The following C2CD3 variants were observed in gnomAD, a reference collection of about 807,000 sequenced individuals.
The protein encoded by C2CD3 is C2 domain containing 3 centriole elongation regulator, also known as C2 domain-containing protein 3.
Under a neutral mutation model 234.0 loss-of-function variants are expected in C2CD3, and 148 were observed. The observed-to-expected ratio is 0.63, with a 90% confidence interval of 0.55 to 0.72. C2CD3 has a LOEUF of 0.72. Among genes scored for constraint, C2CD3 ranks in the 30% least tolerant of loss-of-function variants. The pLI is 0.00. For synonymous variants in C2CD3, 1,000 were observed against 1,035.4 expected (o/e 0.97, Z 0.66); for missense variants, 2,577 against 2,811.5 (o/e 0.92, Z 1.89).
chr11:74,085,117 C>A (rs1435064905), intron 21 of C2CD3, 147 bp from the exon 22 acceptor site: 4 of 533,186 alleles, frequency 7.5e-6, no homozygotes, highest in Non-Finnish European at 1.3e-5. Flanking sequence ...CTTGCTCATG[C>A]CCCAATCAAA....
At chr11:74,147,203 C>A (rs1252836374) in intron 3 of C2CD3, among the ~76,000 whole-genome samples, 2 of 152,000 alleles carry the variant, frequency 1.3e-5, no homozygotes, top group Admixed American at 1.3e-4. Context: ...ATTGCTTAAG[C>A]CCAGAGTTCA....
At chr11:74,044,180 G>A (rs796776174) in intron 28 of C2CD3, among the ~76,000 whole-genome samples, 66 of 151,746 alleles carry the variant, frequency 4.3e-4, no homozygotes, top group African/African-American at 1.6e-3. Context: ...ATAACTGGCC[G>A]GGCACAGTGG....
chr11:74,120,303 G>T (rs903722846), intron 8 of C2CD3, among the ~76,000 whole-genome samples: 1 of 152,006 alleles, frequency 6.6e-6, no homozygotes, highest in South Asian at 2.1e-4. Context: ...ACAGGCCCTG[G>T]TGTGTGATGT....
intron 24 of C2CD3, among the ~76,000 whole-genome samples, chr11:74,071,992 T>C (rs1177695841): frequency 6.6e-6 from 1 of 152,124 alleles, no homozygotes; most frequent in Admixed American, 6.5e-5. Flanking sequence ...ATCTTTTGTA[T>C]ATTAAATTTT....
intron 32 of C2CD3, among the ~76,000 whole-genome samples, chr11:74,019,215 T>C (rs1222518610): frequency 6.6e-6 from 1 of 152,224 alleles, no homozygotes; most frequent in Admixed American, 6.5e-5. Flanking sequence ...TCCTGGACTC[T>C]GGCCTCAGAG....
At chr11:74,106,751 G>A (rs1170127881) in intron 12 of C2CD3, among the ~76,000 whole-genome samples, 1 of 152,098 alleles carries the variant, frequency 6.6e-6, no homozygotes, top group Non-Finnish European at 1.5e-5. Flanking sequence ...ATCACTAAGA[G>A]TTAATTCTTA....
intron 24 of C2CD3, among the ~76,000 whole-genome samples, chr11:74,068,855 G>A (rs1954666442): frequency 6.6e-6 from 1 of 152,134 alleles, no homozygotes; most frequent in Non-Finnish European, 1.5e-5. Flanking sequence ...GCCCAGGCTG[G>A]AGTGCAGAGG....
At chr11:74,081,893 G>A (rs1369652498) in intron 22 of C2CD3, among the ~76,000 whole-genome samples, 1 of 152,128 alleles carries the variant, frequency 6.6e-6, no homozygotes, top group Non-Finnish European at 1.5e-5. Context: ...CTGAGACGAT[G>A]GGGTTTTTTT....
At chr11:74,036,157 G>A (rs921132709) in intron 30 of C2CD3, 1 of 256,914 alleles carries the variant, frequency 3.9e-6, no homozygotes, top group Non-Finnish European at 7.8e-6. Flanking sequence ...ACCGTGCCTG[G>A]CCACAATTCC....
intron 5 of C2CD3, among the ~76,000 whole-genome samples, chr11:74,135,970 G>A (rs1186491520): frequency 6.6e-6 from 1 of 152,060 alleles, no homozygotes; most frequent in Non-Finnish European, 1.5e-5. Flanking sequence ...ACTACTAGAG[G>A]GGTAAGGAAG....
At chr11:74,031,102 T>G (rs1952507156) in intron 31 of C2CD3, among the ~76,000 whole-genome samples, 2 of 152,196 alleles carry the variant, frequency 1.3e-5, no homozygotes, top group Non-Finnish European at 2.9e-5. Context: ...TTTTCTCATA[T>G]GTACATCTGA....
chr11:74,077,263 A>G (rs1220539244), intron 23 of C2CD3, among the ~76,000 whole-genome samples: 5 of 152,040 alleles, frequency 3.3e-5, no homozygotes, highest in Non-Finnish European at 7.4e-5. Flanking sequence ...GTAGTTCCCT[A>G]AATTCATTCA....
intron 30 of C2CD3, chr11:74,036,368 C>T: frequency 4.5e-6 from 2 of 448,358 alleles, no homozygotes; most frequent in South Asian, 3.2e-5. Flanking sequence ...GGACAAATAA[C>T]AGAATAGTGC....
intron 8 of C2CD3, among the ~76,000 whole-genome samples, chr11:74,119,105 T>C (rs1398687009): frequency 2.0e-5 from 3 of 151,910 alleles, no homozygotes; most frequent in Non-Finnish European, 4.4e-5. Flanking sequence ...AGAGGAAGTT[T>C]GGCCATGTTG....
chr11:74,088,226 A>G (rs1955732947), intron 20 of C2CD3, among the ~76,000 whole-genome samples: 1 of 152,228 alleles, frequency 6.6e-6, no homozygotes, highest in Non-Finnish European at 1.5e-5. Context: ...AAATGACTTC[A>G]TATTTGTTAA....
chr11:74,081,939 C>T (rs924150057), intron 22 of C2CD3, among the ~76,000 whole-genome samples: 3 of 152,028 alleles, frequency 2.0e-5, no homozygotes, highest in African/African-American at 7.2e-5. Context: ...CAAACAGGGA[C>T]AATTTGACTT....
intron 1 of C2CD3, among the ~76,000 whole-genome samples, chr11:74,168,927 T>C (rs1248551742): frequency 6.6e-6 from 1 of 152,258 alleles, no homozygotes; most frequent in East Asian, 1.9e-4. Context: ...TTAGTTGAGT[T>C]ACTATTTGAA....
At chr11:74,156,222 TGAGATCGCACCAC>T (rs1856007778) in intron 3 of C2CD3, among the ~76,000 whole-genome samples, 1 of 151,132 alleles carries the variant, frequency 6.6e-6, no homozygotes, top group Admixed American at 6.6e-5. Flanking sequence ...TGCAGTGAGC[TGAGATCGCACCAC>T]TGCACTCCAG....
chr11:74,155,816 G>T lies in C2CD3; in HGVS notation c.483+5583C>A, dbSNP rs531264887. On this transcript the variant is annotated intron_variant, in intron 3 of 32. Coordinates refer to ENST00000334126, the MANE Select transcript of C2CD3 (RefSeq NM_001286577.2). ...ATGTTCTAGATTTAATAGCAGTGAT[G>T]ATTGTAAAAACCACTGAATTGTGCA... Among the ~76,000 whole-genome samples the T allele has an allele frequency of 2.6e-5, 4 of 152,282 alleles. No homozygotes were observed. The South Asian group carries it at 8.3e-4, about 32-fold the overall frequency.
Sources: gnomAD v4.1 joint callset for allele counts (sites outside exome capture counted in the v4.1 genomes callset) on GRCh38, gnomAD v4.1.1 for gene constraint, MANE v1.5 for transcripts, NCBI Gene and HGNC (gene_info 2026-07-23, HGNC 2026-07-21) for gene names.